Variants in LY86 observed in about 807,000 individuals in gnomAD.
LY86 encodes MD-1, RP105-associated.
In LY86, 20 loss-of-function variants were observed where a neutral mutation model predicts 17.3. The observed-to-expected ratio is 1.15, with a 90% CI of 0.81 to 1.68. The LOEUF (loss-of-function observed/expected upper bound fraction) is 1.68, where lower values mean the gene tolerates loss of function less well. LY86 is among the 40% of genes most tolerant of loss of function. The probability of loss-of-function intolerance (pLI) is 0.00; values close to 1 mark genes in which losing one functional copy is unlikely to be tolerated. For synonymous variants in LY86, 74 were observed against 70.6 expected, an observed-to-expected ratio of 1.05 and a Z score of -0.24; for missense variants, 200 against 191.9, an observed-to-expected ratio of 1.04 and a Z score of -0.25.
chr6:6,593,240 G>A (rs1760587851), intron 1 of LY86, among the ~76,000 whole-genome samples: 1 of 152,206 alleles, frequency 6.6e-6, no homozygotes. Context: ...TTGGCCTGAG[G>A]CTTCTTCCTC....
chr6:6,630,104 T>A (rs3804479), intron 3 of LY86, among the ~76,000 whole-genome samples: 1 of 152,166 alleles, frequency 6.6e-6, no homozygotes, highest in Non-Finnish European at 1.5e-5. Flanking sequence ...TATTTTTGTC[T>A]TTTTTGGAAA....
chr6:6,614,063 C>T (rs1455931086), intron 1 of LY86, among the ~76,000 whole-genome samples: 1 of 152,194 alleles, frequency 6.6e-6, no homozygotes, highest in African/African-American at 2.4e-5. Context: ...TATTGGTTCC[C>T]GTGTTCAGGA....
In LY86 at chr6:6,654,756, G is replaced by T; in HGVS notation, c.*129G>T. ...GGCTCTACAAAGAAGCGCCCCCAAA[G>T]AGTGCAGCTGCTAATTTTAGTCCCA... On this transcript the variant is annotated 3_prime_UTR_variant, in exon 5 of 5. Coordinates refer to ENST00000230568, the MANE Select transcript of LY86 (RefSeq NM_004271.4). 1 of 701,526 alleles carries T rather than the reference G, an allele frequency of 1.4e-6. No homozygotes were observed. The highest frequency in any genetic ancestry group is 2.4e-6 in the Non-Finnish European group (1 of 412,970). 43.5% of individuals were successfully genotyped at this position (701,526 alleles called of 1,614,324 possible). A position where few individuals can be genotyped will look rare whatever the true frequency, so the allele number is the denominator to read the frequency against.
chr6:6,648,840 C>T (rs1762144909), intron 3 of LY86, among the ~76,000 whole-genome samples: 1 of 152,072 alleles, frequency 6.6e-6, no homozygotes, highest in Non-Finnish European at 1.5e-5. Flanking sequence ...TGGGACTTAA[C>T]CCTGAGTAAC....
intron 1 of LY86, among the ~76,000 whole-genome samples, chr6:6,600,277 C>G (rs1035727954): frequency 6.6e-6 from 1 of 152,090 alleles, no homozygotes; most frequent in Non-Finnish European, 1.5e-5. Context: ...ATAACCATGA[C>G]AGGGGATGCC....
intron 1 of LY86, among the ~76,000 whole-genome samples, chr6:6,619,146 A>G (rs977644120): frequency 8.5e-5 from 13 of 152,236 alleles, no homozygotes; most frequent in Non-Finnish European, 1.8e-4. Context: ...AAGTACAGCC[A>G]TGAAAGAAGA....
intron 1 of LY86, among the ~76,000 whole-genome samples, chr6:6,618,405 A>G (rs1233854431): frequency 1.3e-5 from 2 of 149,954 alleles, no homozygotes; most frequent in East Asian, 2.0e-4. Context: ...TTTTCTGTCA[A>G]TAAAAAGGCT....
In LY86 at chr6:6,654,756, G is replaced by A; in HGVS notation, c.*129G>A. ...GGCTCTACAAAGAAGCGCCCCCAAA[G>A]AGTGCAGCTGCTAATTTTAGTCCCA... On this transcript the variant is annotated 3_prime_UTR_variant, in exon 5 of 5. Coordinates refer to ENST00000230568, the MANE Select transcript of LY86 (RefSeq NM_004271.4). 1.4e-6 allele frequency: 1 copy of A among 701,526 alleles called. No homozygotes were observed. 43.5% of individuals were successfully genotyped at this position (701,526 alleles called of 1,614,324 possible). A position where few individuals can be genotyped will look rare whatever the true frequency, so the allele number is the denominator to read the frequency against.
rs192594240 is a variant in LY86, at chr6:6,642,295, C to G, written c.353-7330C>G. Among the ~76,000 whole-genome samples, 373 of 152,374 alleles carry G rather than the reference C, an allele frequency of 2.4e-3. 2 individuals are homozygous for G. Among genetic ancestry groups the G allele is most frequent in the Middle Eastern group, 0.01 (3 of 294 alleles). ...GTATGGGGAGAACTGGAAGAACCCC[C>G]TCTGAAATGGAGCAGCCAAGCCTGC... On this transcript the variant is annotated intron_variant, in intron 3 of 4. Transcript: ENST00000230568.
intron 1 of LY86, chr6:6,591,193 C>A (rs2113068196): frequency 6.5e-6 from 1 of 153,922 alleles, no homozygotes; most frequent in South Asian, 2.1e-4. Context: ...CCTTTCAAGT[C>A]ACTTGCAAGA....
intron 1 of LY86, among the ~76,000 whole-genome samples, chr6:6,589,654 G>A (rs62393046): frequency 1.4e-3 from 208 of 152,250 alleles, no homozygotes; most frequent in Admixed American, 2.4e-3. Flanking sequence ...AGCTGGGCTG[G>A]TTTCTCCTGA....
At position 6,604,363 on chromosome 6, in the gene LY86, G is replaced by A. The variant is rs191015886; in HGVS notation, c.136+15493G>A. On this transcript the variant is annotated intron_variant, in intron 1 of 4. Transcript: ENST00000230568. ...TTAATTAAAAAAACTCAAAACATGAGAAAAAAATAGTATCAAAATAATCAG... is the reference window on the plus strand; with the variant it reads ...TTAATTAAAAAAACTCAAAACATGAAAAAAAAATAGTATCAAAATAATCAG... Among the ~76,000 whole-genome samples, 30 of 151,762 alleles carry A rather than the reference G, an allele frequency of 2.0e-4. No individual in the cohort carries two copies. In the East Asian group the frequency reaches 5.8e-3, roughly 29 times the overall value.
At chr6:6,604,945 G>A (rs969121080) in intron 1 of LY86, among the ~76,000 whole-genome samples, 6 of 151,544 alleles carry the variant, frequency 4.0e-5, no homozygotes, top group Non-Finnish European at 5.9e-5. Flanking sequence ...AACAATCAAC[G>A]TAGAACCTAG....
At chr6:6,633,187 CACAAGCTCT>C (rs1761917896) in intron 3 of LY86, among the ~76,000 whole-genome samples, 1 of 152,138 alleles carries the variant, frequency 6.6e-6, no homozygotes, top group Admixed American at 6.5e-5. Flanking sequence ...ATTCTTGCTC[CACAAGCTCT>C]ACCCAATTAA....
intron 1 of LY86, among the ~76,000 whole-genome samples, chr6:6,606,618 C>T (rs971571869): frequency 3.0e-4 from 45 of 152,190 alleles, no homozygotes; most frequent in Non-Finnish European, 6.0e-4. Context: ...CCCTGCCACG[C>T]GGGGAGGAAG....
intron 1 of LY86, among the ~76,000 whole-genome samples, chr6:6,599,934 T>C (rs72821143): frequency 0.069 from 10,473 of 152,108 alleles, 467 homozygotes; most frequent in Middle Eastern, 0.16. Flanking sequence ...AGATGCTACA[T>C]AATAAACCAA....
chr6:6,635,450 C>T (rs887591231), intron 3 of LY86, among the ~76,000 whole-genome samples: 6 of 151,986 alleles, frequency 3.9e-5, no homozygotes, highest in African/African-American at 1.5e-4. Flanking sequence ...TCTCTCTCTC[C>T]CTTTCTCTCT....
At chr6:6,597,598 C>T (rs1238694462) in intron 1 of LY86, among the ~76,000 whole-genome samples, 2 of 152,306 alleles carry the variant, frequency 1.3e-5, no homozygotes, top group South Asian at 2.1e-4. Flanking sequence ...ACAGAAGAAG[C>T]GTGGTGGGAT....
rs1760436008 is a variant in LY86, at chr6:6,588,860, C to T, written c.126C>T (p.Tyr42=). The change falls in exon 1 of 5, where the codon TAC becomes TAT. Residue 42 remains tyrosine, a synonymous_variant. Transcript: ENST00000230568. ...VCSDSGLEVL[Y]QSCDPLQDFG... is the part of the protein sequence containing the mutation. ...GCGACAGCGGCTTGGAAGTGCTCTA[C>T]CAGAGTTGCGGTAAGCCCTTGCAGT... 3 of 1,613,910 alleles carry T rather than the reference C, an allele frequency of 1.9e-6. No homozygotes were observed. Among genetic ancestry groups the T allele is most frequent in the Non-Finnish European group, 8.5e-7 (1 of 1,179,940 alleles).
Sources: allele counts gnomAD v4.1 joint callset (sites outside exome capture counted in the v4.1 genomes callset), GRCh38; gene constraint gnomAD v4.1.1; transcripts MANE v1.5; gene names NCBI Gene and HGNC (gene_info 2026-07-23, HGNC 2026-07-21).